Variants in CCDC73 observed in about 807,000 individuals in gnomAD.
The protein encoded by CCDC73 is coiled-coil domain-containing protein 73.
Under a neutral mutation model 116.5 loss-of-function variants are expected in CCDC73, and 95 were observed. The ratio of observed to expected loss-of-function variants is 0.82; its 90% confidence interval spans 0.69 to 0.97. CCDC73 has a LOEUF of 0.97. Among genes scored for constraint, CCDC73 ranks in the 50% least tolerant of loss-of-function variants. The pLI is 0.00. For synonymous variants in CCDC73, 398 were observed against 401.3 expected (o/e 0.99, Z 0.10); for missense variants, 1,066 against 1,206.8 (o/e 0.88, Z 1.73).
upstream of CCDC73, among the ~76,000 whole-genome samples, chr11:32,795,201 G>C (rs1405188177): frequency 1.3e-5 from 2 of 152,178 alleles, no homozygotes; most frequent in African/African-American, 4.8e-5. Flanking sequence ...GGGTTCACTG[G>C]CTCATGCCTG....
At chr11:32,648,481 G>A (rs898284916) in intron 12 of CCDC73, among the ~76,000 whole-genome samples, 7 of 152,026 alleles carry the variant, frequency 4.6e-5, no homozygotes, top group African/African-American at 1.7e-4. Flanking sequence ...GAGCTGCTAT[G>A]ATGTGCCAGA....
the CCDC73 span, among the ~76,000 whole-genome samples, chr11:32,810,465 A>T: frequency 1.2e-4 from 19 of 152,220 alleles, no homozygotes; most frequent in African/African-American, 4.6e-4. Flanking sequence ...AAGTCACACG[A>T]TTAATTAAAA....
chr11:32,646,714 C>A (rs1172331097), intron 12 of CCDC73, among the ~76,000 whole-genome samples: 1 of 152,164 alleles, frequency 6.6e-6, no homozygotes, highest in African/African-American at 2.4e-5. Context: ...GATAAACTTA[C>A]ATCTGTCAGG....
At chr11:32,770,131 A>G (rs1850479916) in intron 1 of CCDC73, among the ~76,000 whole-genome samples, 1 of 152,170 alleles carries the variant, frequency 6.6e-6, no homozygotes, top group Admixed American at 6.6e-5. Flanking sequence ...TTCAGTTGTT[A>G]GATTTGCTTA....
At chr11:32,700,898 A>G in intron 4 of CCDC73, 72 bp from the exon 5 acceptor site, 1 of 592,578 alleles carries the variant, frequency 1.7e-6, no homozygotes, top group East Asian at 3.2e-5. Flanking sequence ...CACTGAGACT[A>G]AAGAAACACT....
At chr11:32,730,068 T>C (rs1850062033) in intron 2 of CCDC73, among the ~76,000 whole-genome samples, 1 of 152,242 alleles carries the variant, frequency 6.6e-6, no homozygotes. Flanking sequence ...TGTTGCATTT[T>C]CATAGTATAA....
intron 3 of CCDC73, among the ~76,000 whole-genome samples, chr11:32,704,505 G>A (rs1325824095): frequency 6.6e-6 from 1 of 152,224 alleles, no homozygotes; most frequent in Non-Finnish European, 1.5e-5. Context: ...AGGGAGGCCA[G>A]AGGGCTGAGG....
intron 6 of CCDC73, among the ~76,000 whole-genome samples, chr11:32,695,986 GA>G (rs1466664431): frequency 1.3e-5 from 2 of 151,878 alleles, no homozygotes; most frequent in African/African-American, 4.8e-5. Context: ...CAAATCGTAA[GA>G]AAAAATGTTT....
intron 1 of CCDC73, among the ~76,000 whole-genome samples, chr11:32,792,903 T>A (rs10835972): frequency 0.55 from 84,113 of 152,028 alleles, 23,829 homozygotes; most frequent in East Asian, 0.84. Flanking sequence ...TTGGGGTTTG[T>A]TTTTTTAGGA....
rs201088588 is a variant in CCDC73 at position 32,760,273 on chromosome 11, G to A, written c.-15-15C>T. ...ATATTTATTTCCTGTAATGTAAAAA[G>A]GTCTTAACTGAAAAAAAATTATCTA... is the stretch of plus-strand genomic sequence containing the variant. On this transcript the variant is annotated splice_polypyrimidine_tract_variant and intron_variant, in intron 1 of 17. Transcript: ENST00000335185. 3.7e-4 allele frequency: 518 copies of A among 1,405,068 alleles called. 1 individual carries two copies. Among genetic ancestry groups the A allele is most frequent in the Non-Finnish European group, 4.9e-4 (509 of 1,047,158 alleles). 87.0% of individuals were successfully genotyped at this position (1,405,068 alleles called of 1,614,324 possible). A position where few individuals can be genotyped will look rare whatever the true frequency, so the allele number is the denominator to read the frequency against.
chr11:32,655,361 A>G (rs1219722835), intron 9 of CCDC73, among the ~76,000 whole-genome samples: 1 of 152,244 alleles, frequency 6.6e-6, no homozygotes, highest in Non-Finnish European at 1.5e-5. Context: ...ATTACAATAC[A>G]ATGTAATGAG....
At chr11:32,780,635 A>C (rs1157935891) in intron 1 of CCDC73, among the ~76,000 whole-genome samples, 6 of 152,234 alleles carry the variant, frequency 3.9e-5, no homozygotes, top group African/African-American at 1.4e-4. Context: ...AAAATAGCCA[A>C]TTAAGTTATC....
intron 1 of CCDC73, among the ~76,000 whole-genome samples, chr11:32,787,934 C>T (rs1329345087): frequency 1.3e-5 from 2 of 152,006 alleles, no homozygotes; most frequent in African/African-American, 4.8e-5. Flanking sequence ...AGGTATGCCC[C>T]CCAAAAGTAA....
chr11:32,807,574 A>T, the CCDC73 span, among the ~76,000 whole-genome samples: 2 of 145,212 alleles, frequency 1.4e-5, no homozygotes, highest in Non-Finnish European at 3.0e-5. Context: ...TTCTTATGAC[A>T]TTATGGGATT....
intron 1 of CCDC73, among the ~76,000 whole-genome samples, chr11:32,773,849 C>T (rs1186758346): frequency 6.6e-6 from 1 of 151,762 alleles, no homozygotes; most frequent in Admixed American, 6.6e-5. Flanking sequence ...ACTGGGTGAT[C>T]AGGTAACAAA....
chr11:32,723,519 C>A (rs1590613711), intron 2 of CCDC73, among the ~76,000 whole-genome samples: 1 of 152,148 alleles, frequency 6.6e-6, no homozygotes, highest in Non-Finnish European at 1.5e-5. Flanking sequence ...AAGGAATGTA[C>A]AAGTACCCAG....
At chr11:32,675,863 T>A (rs1292423830) in intron 8 of CCDC73, 23 bp downstream of exon 8, 1 of 1,544,758 alleles carries the variant, frequency 6.5e-7, no homozygotes, top group Non-Finnish European at 8.8e-7. Context: ...TGAATATGTA[T>A]ATTTAAATAA....
chr11:32,817,570 T>C, the CCDC73 span, among the ~76,000 whole-genome samples: 1 of 152,214 alleles, frequency 6.6e-6, no homozygotes, highest in Non-Finnish European at 1.5e-5. Flanking sequence ...ACTACATCAA[T>C]TCATTCTGTA....
chr11:32,777,002 T>C (rs1205621519), intron 1 of CCDC73, among the ~76,000 whole-genome samples: 1 of 115,868 alleles, frequency 8.6e-6, no homozygotes, highest in East Asian at 2.4e-4. Flanking sequence ...TATATATATA[T>C]ATATATATAT....
Sources: allele counts gnomAD v4.1 joint callset (sites outside exome capture counted in the v4.1 genomes callset), GRCh38; gene constraint gnomAD v4.1.1; transcripts MANE v1.5; gene names NCBI Gene and HGNC (gene_info 2026-07-23, HGNC 2026-07-21).